Variants in RNF216 observed in about 807,000 individuals in gnomAD.
RNF216 encodes ring finger protein 216, also known as E3 ubiquitin-protein ligase RNF216.
Under a neutral mutation model 110.8 loss-of-function variants are expected in RNF216, and 72 were observed. That is an observed-to-expected ratio of 0.65 (90% confidence interval 0.54 to 0.79). The LOEUF (loss-of-function observed/expected upper bound fraction) is 0.79. Among genes scored for constraint, RNF216 ranks in the 30% least tolerant of loss-of-function variants. The pLI is 0.00. For synonymous variants in RNF216, 495 were observed against 407.5 expected, an observed-to-expected ratio of 1.21 and a Z score of -2.59; for missense variants, 1,342 against 1,141.2, an observed-to-expected ratio of 1.18 and a Z score of -2.54.
rs774634750 is a variant in RNF216, at chr7:5,741,079, G to A, written c.938C>T (p.Pro313Leu). 1.9e-6 allele frequency: 3 copies of A among 1,614,106 alleles called. No individual in the cohort carries two copies. The highest frequency in any genetic ancestry group is 3.3e-5 in the Admixed American group (2 of 59,998). Residue 313 changes from proline (P) to leucine (L), a missense_variant, in exon 4 of 17, where the codon CCA becomes CTA. Physicochemically the swap from Pro to Leu is moderately conservative, Grantham distance 98 (BLOSUM62 -3). Transcript: ENST00000389902. Reference sequence around the variant, plus strand: ...TTGAGATTCTTGCATTGGAAAGGCTGGACCTGGCTCTTCATCATCACTTGC... The same window carrying A: ...TTGAGATTCTTGCATTGGAAAGGCTAGACCTGGCTCTTCATCATCACTTGC... ...QLASDDEEPG[P>L]AFPMQESQEP...
At chr7:5,781,082 G>A (rs1052332188) in intron 1 of RNF216, among the ~76,000 whole-genome samples, 3 of 152,200 alleles carry the variant, frequency 2.0e-5, no homozygotes, top group Non-Finnish European at 2.9e-5. Context: ...CGCTCCAGAT[G>A]TGAGGGAAGA....
chr7:5,628,964 A>G (rs939872934), intron 15 of RNF216, among the ~76,000 whole-genome samples: 1 of 152,056 alleles, frequency 6.6e-6, no homozygotes, highest in East Asian at 1.9e-4. Context: ...TGGGAGTTCG[A>G]GGTGGGTGGA....
At chr7:5,709,364 C>T (rs1032200391) in intron 13 of RNF216, among the ~76,000 whole-genome samples, 3 of 152,192 alleles carry the variant, frequency 2.0e-5, no homozygotes, top group South Asian at 2.1e-4. Flanking sequence ...GGAGAGCCAG[C>T]GTCACAAATT....
At chr7:5,771,877 CA>C (rs1188082675) in intron 1 of RNF216, among the ~76,000 whole-genome samples, 1 of 152,050 alleles carries the variant, frequency 6.6e-6, no homozygotes, top group Non-Finnish European at 1.5e-5. Context: ...CGAGGAAACG[CA>C]AAAGGCCAAT....
At chr7:5,731,972 A>G (rs1481854539) in intron 5 of RNF216, among the ~76,000 whole-genome samples, 1 of 152,166 alleles carries the variant, frequency 6.6e-6, no homozygotes, top group African/African-American at 2.4e-5. Flanking sequence ...TCATCCTGAC[A>G]TCTCAATGCA....
At chr7:5,689,323 A>G (rs1791179873) in intron 13 of RNF216, among the ~76,000 whole-genome samples, 1 of 149,922 alleles carries the variant, frequency 6.7e-6, no homozygotes, top group Admixed American at 6.8e-5. Flanking sequence ...ACCATGACTC[A>G]CTCCAAGACT....
At position 5,622,776 on chromosome 7, in the gene RNF216, C is replaced by T; in HGVS notation, c.*84G>A. ...CAAGCTGACTTAGGATGCAATGGTA[C>T]AGACACCAGCCTTGGGGGAGGGTTC... On this transcript the variant is annotated 3_prime_UTR_variant, in exon 17 of 17. Transcript: ENST00000389902. 1 of 1,366,800 alleles carries T rather than the reference C, an allele frequency of 7.3e-7. No homozygotes were observed. The highest frequency in any genetic ancestry group is 1.0e-6 in the Non-Finnish European group (1 of 996,140). 84.7% of individuals were successfully genotyped at this position (1,366,800 alleles called of 1,614,324 possible).
rs1433929660 is a variant in RNF216, at chr7:5,641,395, A to C, written c.2160-19T>G. 6.2e-7 allele frequency: 1 copy of C among 1,601,792 alleles called. No individual in the cohort carries two copies. Among genetic ancestry groups the C allele is most frequent in the East Asian group, 2.2e-5 (1 of 44,758 alleles). The stretch of plus-strand genomic sequence containing the variant: ...TTCTTCACTGAAATAAGAAAACATA[A>C]TTTGGAGCTGGGAGGGAAGATGAGG... On this transcript the variant is annotated intron_variant, in intron 14 of 16. Coordinates refer to ENST00000389902, the MANE Select transcript of RNF216 (RefSeq NM_207111.4).
intron 13 of RNF216, among the ~76,000 whole-genome samples, chr7:5,672,202 G>A (rs1789964318): frequency 6.6e-6 from 1 of 152,184 alleles, no homozygotes; most frequent in Admixed American, 6.5e-5. Context: ...TAGAGACTGG[G>A]ACTAAGTCCC....
intron 3 of RNF216, among the ~76,000 whole-genome samples, chr7:5,749,450 C>T (rs1795223016): frequency 6.6e-6 from 1 of 152,142 alleles, no homozygotes; most frequent in African/African-American, 2.4e-5. Context: ...CACGTCGGGC[C>T]TATATGGATG....
Position 5,696,563 on chromosome 7 carries a change from G to A in RNF216, c.2061+15198C>T, listed in dbSNP as rs750666688. The stretch of plus-strand genomic sequence containing the variant: ...CAGGCCGGGGCAGCCTCCTAGACAC[G>A]CGTGCCCAAGATCGTGTCCTATGGT... On this transcript the variant is annotated intron_variant, in intron 13 of 16. Transcript: ENST00000389902. This position sits in a 1 kb window ranked among gnomAD's most constrained non-coding sequence, Gnocchi z 5.4. 7.9e-5 allele frequency among the ~76,000 whole-genome samples: 12 copies of A among 152,060 alleles called. No individual in the cohort carries two copies. Among genetic ancestry groups the A allele is most frequent in the Non-Finnish European group, 1.8e-4 (12 of 67,998 alleles).
chr7:5,721,558 T>C lies in RNF216; in HGVS notation c.1505-386A>G, dbSNP rs1793428360. 3.3e-5 allele frequency among the ~76,000 whole-genome samples: 5 copies of C among 152,218 alleles called. No individual in the cohort carries two copies. In the South Asian group the frequency reaches 1.0e-3, roughly 32 times the overall value. On this transcript the variant is annotated intron_variant, in intron 8 of 16. Coordinates refer to ENST00000389902, the MANE Select transcript of RNF216 (RefSeq NM_207111.4). The stretch of plus-strand genomic sequence containing the variant: ...GGTGAATGTATGTCCGCAATTTACC[T>C]GCGAATTGCTAGATCATGGGATAGG...
At chr7:5,719,144 G>A (rs1258675254) in intron 9 of RNF216, among the ~76,000 whole-genome samples, 1 of 152,206 alleles carries the variant, frequency 6.6e-6, no homozygotes, top group East Asian at 1.9e-4. Context: ...AATTTGGGCG[G>A]CTGAGTTGGG....
intron 1 of RNF216, among the ~76,000 whole-genome samples, chr7:5,779,130 C>A (rs570373431): frequency 1.3e-5 from 2 of 152,312 alleles, no homozygotes; most frequent in South Asian, 4.1e-4. Flanking sequence ...TAGAATATAG[C>A]AATGCCTAGA....
intron 13 of RNF216, among the ~76,000 whole-genome samples, chr7:5,688,488 A>G (rs1172154471): frequency 1.3e-5 from 2 of 152,264 alleles, no homozygotes; most frequent in African/African-American, 4.8e-5. Context: ...TAAGAAATAC[A>G]GAAGTTATTA....
intron 15 of RNF216, among the ~76,000 whole-genome samples, chr7:5,634,600 G>A (rs370584066): frequency 2.0e-5 from 3 of 152,170 alleles, no homozygotes; most frequent in Admixed American, 6.5e-5. Flanking sequence ...GAGACTTCAC[G>A]GGCTCAGGGC....
chr7:5,700,750 T>C (rs1420652520), intron 13 of RNF216, among the ~76,000 whole-genome samples: 1 of 152,072 alleles, frequency 6.6e-6, no homozygotes. Context: ...AAGAGACAAG[T>C]AGGTGTGTCC....
At chr7:5,759,359 TTCC>T (rs1471178229) in intron 2 of RNF216, among the ~76,000 whole-genome samples, 1 of 152,186 alleles carries the variant, frequency 6.6e-6, no homozygotes, top group African/African-American at 2.4e-5. Flanking sequence ...ACCCCTCTTC[TTCC>T]TCCTCCTCTT....
chr7:5,651,808 C>T (rs988217150), intron 14 of RNF216, among the ~76,000 whole-genome samples: 2 of 152,066 alleles, frequency 1.3e-5, no homozygotes, highest in African/African-American at 4.8e-5. Flanking sequence ...GCCACCATAC[C>T]CAGCTAATTT....
Sources: gnomAD v4.1 joint callset for allele counts (sites outside exome capture counted in the v4.1 genomes callset) on GRCh38, gnomAD v4.1.1 for gene constraint, Gnocchi (gnomAD v3.1) non-coding constraint, MANE v1.5 for transcripts, NCBI Gene and HGNC (gene_info 2026-07-23, HGNC 2026-07-21) for gene names.